Variants in GRK4 observed in about 807,000 individuals in gnomAD.
GRK4 encodes the protein G protein-coupled receptor kinase 2-like.
A neutral mutation model predicts 77.9 loss-of-function variants in GRK4; 73 were observed. The observed-to-expected ratio is 0.94, with a 90% CI of 0.78 to 1.14. The LOEUF (loss-of-function observed/expected upper bound fraction) is 1.14, where lower values mean the gene tolerates loss of function less well. Ranked by LOEUF, GRK4 falls within the 50% of genes most tolerant of loss-of-function variation. GRK4 has a pLI of 0.00. For missense variants in GRK4, 729 were observed against 700.2 expected, an observed-to-expected ratio of 1.04 and a Z score of -0.46; for synonymous variants, 257 against 254.4, an observed-to-expected ratio of 1.01 and a Z score of -0.10.
intron 2 of GRK4, among the ~76,000 whole-genome samples, chr4:2,987,417 A>T (rs1724735123): frequency 6.6e-6 from 1 of 152,188 alleles, no homozygotes; most frequent in Non-Finnish European, 1.5e-5. Context: ...CTAGGCTTTT[A>T]AAAAATGATG....
At chr4:3,013,158 C>T (rs1733394381) in intron 7 of GRK4, among the ~76,000 whole-genome samples, 1 of 151,870 alleles carries the variant, frequency 6.6e-6, no homozygotes, top group Admixed American at 6.5e-5. Context: ...ATTCTCCTGC[C>T]TCAGCCTCTG....
intron 4 of GRK4, among the ~76,000 whole-genome samples, chr4:2,996,416 A>G (rs1727932704): frequency 6.6e-6 from 1 of 152,182 alleles, no homozygotes. Context: ...TTAGCCAGGC[A>G]TGGTGGCAGG....
intron 2 of GRK4, among the ~76,000 whole-genome samples, chr4:2,987,981 C>G (rs1280038175): frequency 6.8e-6 from 1 of 146,168 alleles, no homozygotes; most frequent in South Asian, 2.1e-4. Context: ...GAGGCTGAGG[C>G]ATGAGAATTG....
rs540921897 is a variant in GRK4, at chr4:3,009,678, T to C, written c.567T>C (p.His189=). The C allele has an allele frequency of 6.2e-6, 10 of 1,613,948 alleles. No individual in the cohort carries two copies. The South Asian group carries it at 9.9e-5, about 16-fold the overall frequency. ...RQPVTKNTFR[H]YRVLGKGGFG... The stretch of plus-strand genomic sequence containing the variant: ...CCGTAACAAAGAACACATTTAGACA[T>C]TACAGAGTTCTAGGAAAAGGCGGAT... The change falls in exon 7 of 16, where the codon CAT becomes CAC. Residue 189 remains histidine, a synonymous_variant. Transcript: ENST00000398052.
chr4:3,009,917 C>A (rs1560447127), intron 7 of GRK4, among the ~76,000 whole-genome samples: 1 of 152,196 alleles, frequency 6.6e-6, no homozygotes, highest in Non-Finnish European at 1.5e-5. Flanking sequence ...GTGACTTCAC[C>A]TTTTACCTCA....
chr4:3,028,039 C>T, intron 11 of GRK4, 38 bp downstream of exon 11: 1 of 1,584,364 alleles, frequency 6.3e-7, no homozygotes, highest in Non-Finnish European at 8.7e-7. Flanking sequence ...TCCTTTCTAT[C>T]CGGGTGCCTG....
At chr4:2,979,012 G>A (rs1722009208) in intron 1 of GRK4, among the ~76,000 whole-genome samples, 1 of 151,838 alleles carries the variant, frequency 6.6e-6, no homozygotes, top group African/African-American at 2.4e-5. Context: ...GGCGGATCAT[G>A]AGGTCAGGAG....
intron 1 of GRK4, among the ~76,000 whole-genome samples, chr4:2,976,975 A>G (rs890171016): frequency 1.3e-5 from 2 of 152,114 alleles, no homozygotes; most frequent in Admixed American, 6.5e-5. Context: ...TCCCCAGATT[A>G]GTTGGGGGCT....
intron 12 of GRK4, among the ~76,000 whole-genome samples, chr4:3,035,028 C>G (rs567315665): frequency 2.4e-4 from 36 of 152,044 alleles, no homozygotes; most frequent in African/African-American, 8.0e-4. Flanking sequence ...GAGGTCGAGG[C>G]GGGTGGATCA....
At chr4:3,010,492 G>T (rs1271542375) in intron 7 of GRK4, among the ~76,000 whole-genome samples, 1 of 152,156 alleles carries the variant, frequency 6.6e-6, no homozygotes, top group Non-Finnish European at 1.5e-5. Flanking sequence ...CTCCCAAAGT[G>T]CTGGGATTAC....
In GRK4 at chr4:2,964,116, C is replaced by T. The variant is rs1459348324; in HGVS notation, c.46C>T (p.Arg16Cys). The T allele has an allele frequency of 6.2e-7, 1 of 1,603,922 alleles. No homozygotes were observed. Among genetic ancestry groups the T allele is most frequent in the East Asian group, 2.2e-5 (1 of 44,494 alleles). ...IVANSLLLKA[R>C]QGGYGKKSGR... is the part of the protein sequence containing the mutation. ...GGCCAACTCGCTGCTGCTGAAAGCG[C>T]GTCAAGGTGGGTGCGCGGCAGGCGC... The change falls in exon 1 of 16, where the codon CGT becomes TGT. Residue 16 changes from arginine (R) to cysteine (C), a missense_variant. By Grantham distance (180) the Arg-to-Cys change is radical (BLOSUM62 -3). Transcript: ENST00000398052.
chr4:2,976,835 C>T (rs967332382), intron 1 of GRK4, among the ~76,000 whole-genome samples: 1 of 152,078 alleles, frequency 6.6e-6, no homozygotes, highest in Non-Finnish European at 1.5e-5. Context: ...TACAGGGTTC[C>T]TCCATGTTGG....
chr4:2,991,149 A>G (rs1342522333), intron 3 of GRK4, among the ~76,000 whole-genome samples: 1 of 152,172 alleles, frequency 6.6e-6, no homozygotes, highest in Non-Finnish European at 1.5e-5. Context: ...AAAGTCTGAA[A>G]TCTGTAGGGC....
At chr4:3,024,783 G>A (rs1043727625) in intron 10 of GRK4, among the ~76,000 whole-genome samples, 2 of 152,144 alleles carry the variant, frequency 1.3e-5, no homozygotes. Context: ...GCTTGAACCC[G>A]GGCGGCAGAG....
intron 1 of GRK4, among the ~76,000 whole-genome samples, chr4:2,983,467 G>A (rs1723407010): frequency 2.0e-5 from 3 of 152,194 alleles, no homozygotes; most frequent in Admixed American, 1.3e-4. Context: ...TCTTTCTGAA[G>A]TATTATAGTG....
chr4:3,016,807 CA>C (rs146007756), intron 8 of GRK4, among the ~76,000 whole-genome samples: 1 of 152,160 alleles, frequency 6.6e-6, no homozygotes, highest in African/African-American at 2.4e-5. Context: ...ATGAAAAGAA[CA>C]GAAACAGTTG....
At chr4:2,993,945 G>A (rs1727044118) in intron 4 of GRK4, among the ~76,000 whole-genome samples, 1 of 152,176 alleles carries the variant, frequency 6.6e-6, no homozygotes, top group Admixed American at 6.5e-5. Context: ...ACTGGATATA[G>A]GGCCATCATC....
intron 12 of GRK4, 29 bp from the exon 13 acceptor site, chr4:3,035,357 C>G (rs764809722): frequency 6.2e-7 from 1 of 1,613,122 alleles, no homozygotes; most frequent in Non-Finnish European, 8.5e-7. Flanking sequence ...TCCAGAGGCT[C>G]AAGTGGGTTG....
At chr4:2,965,442 C>A (rs1360673720) in intron 1 of GRK4, 1 of 703,078 alleles carries the variant, frequency 1.4e-6, no homozygotes, top group Admixed American at 2.0e-5. Flanking sequence ...TACGGAATTG[C>A]TGATTTCCTC....
Sources: allele counts gnomAD v4.1 joint callset (sites outside exome capture counted in the v4.1 genomes callset), GRCh38; gene constraint gnomAD v4.1.1; transcripts MANE v1.5; gene names NCBI Gene and HGNC (gene_info 2026-07-23, HGNC 2026-07-21).